IGSF5: variants seen among roughly 807,000 people sequenced by gnomAD.
IGSF5 encodes immunoglobulin superfamily member 5.
In IGSF5, 41 loss-of-function variants were observed where a neutral mutation model predicts 39.4. The observed-to-expected ratio is 1.04, with a 90% confidence interval of 0.81 to 1.35. The LOEUF (loss-of-function observed/expected upper bound fraction) is 1.35. Among genes scored for constraint, IGSF5 ranks in the 40% most tolerant of loss-of-function variants. IGSF5 has a pLI of 0.00. For synonymous variants in IGSF5, 183 were observed against 175.3 expected (o/e 1.04, Z -0.34); for missense variants, 487 against 494.6 (o/e 0.98, Z 0.15).
At chr21:39,729,195 A>G in the IGSF5 span, 2 of 152,224 alleles carry the variant, frequency 1.3e-5, no homozygotes, top group African/African-American at 2.4e-5. Flanking sequence ...CCTCCTGTCT[A>G]CTTGCTCTGC....
the IGSF5 span, among the ~76,000 whole-genome samples, chr21:39,717,867 T>C: frequency 6.6e-6 from 1 of 152,230 alleles, no homozygotes; most frequent in African/African-American, 2.4e-5. Flanking sequence ...TTTTTTCTAG[T>C]TCTGTGAAGA....
At position 39,745,564 on chromosome 21, in the gene IGSF5, TTCTGGCTGAGCCATGA is replaced by T. The variant is rs940474156; in HGVS notation, c.17+42_17+57del. ...GCGTGGGCGACTGTTGAGTAGAGAC[TTCTGGCTGAGCCATGA>T]TCTCAATCAGCTACTGCTGGGAGGT... is the stretch of plus-strand genomic sequence containing the variant. On this transcript the variant is annotated intron_variant, in intron 1 of 8. Transcript: ENST00000380588. 4.2e-6 allele frequency: 3 copies of T among 716,028 alleles called. No individual in the cohort carries two copies. The African/African-American group carries it at 5.2e-5, about 13-fold the overall frequency. The allele number at this position is 716,028 out of a possible 1,614,324, so 44.4% of individuals were successfully genotyped here.
intron 6 of IGSF5, among the ~76,000 whole-genome samples, chr21:39,789,412 G>A (rs1369782547): frequency 6.6e-6 from 1 of 152,126 alleles, no homozygotes; most frequent in Non-Finnish European, 1.5e-5. Flanking sequence ...AACTGGACGG[G>A]CCCACCTCAG....
At chr21:39,786,413 A>G (rs2086920223) in intron 5 of IGSF5, among the ~76,000 whole-genome samples, 1 of 145,908 alleles carries the variant, frequency 6.9e-6, no homozygotes, top group Non-Finnish European at 1.5e-5. Flanking sequence ...ATGAGATACC[A>G]TCTCACACCA....
the IGSF5 span, chr21:39,722,400 T>A: frequency 6.6e-6 from 1 of 152,172 alleles, no homozygotes; most frequent in African/African-American, 2.4e-5. Flanking sequence ...ATTTGGACAC[T>A]GAAATATGAG....
intron 2 of IGSF5, among the ~76,000 whole-genome samples, chr21:39,752,553 T>G (rs1311794134): frequency 2.0e-5 from 3 of 152,252 alleles, no homozygotes; most frequent in Non-Finnish European, 4.4e-5. Context: ...CTGGATCAGA[T>G]GGTAGTTTTA....
chr21:39,783,140 T>C (rs1042939976), intron 5 of IGSF5, among the ~76,000 whole-genome samples: 7 of 152,238 alleles, frequency 4.6e-5, no homozygotes, highest in East Asian at 1.9e-4. Context: ...GATATTTAGA[T>C]TGATTTCATA....
At chr21:39,749,314 G>A (rs1013412889) in intron 2 of IGSF5, among the ~76,000 whole-genome samples, 1 of 151,670 alleles carries the variant, frequency 6.6e-6, no homozygotes, top group African/African-American at 2.4e-5. Flanking sequence ...CTGGGCTCAA[G>A]TGATTCTCCT....
chr21:39,717,484 T>G, the IGSF5 span, among the ~76,000 whole-genome samples: 2 of 152,236 alleles, frequency 1.3e-5, no homozygotes, highest in Non-Finnish European at 2.9e-5. Flanking sequence ...GTTTTACATT[T>G]AAGTCTTCAA....
chr21:39,756,697 G>A (rs1021097074), intron 2 of IGSF5, among the ~76,000 whole-genome samples: 3 of 152,140 alleles, frequency 2.0e-5, no homozygotes, highest in East Asian at 1.9e-4. Flanking sequence ...GTTGTTTTGC[G>A]GGTGGTTCAT....
At chr21:39,773,432 G>C (rs1351375000) in intron 4 of IGSF5, among the ~76,000 whole-genome samples, 1 of 150,998 alleles carries the variant, frequency 6.6e-6, no homozygotes, top group Admixed American at 6.6e-5. Context: ...CTCTTAATTG[G>C]CTTTCTTTTG....
intron 2 of IGSF5, among the ~76,000 whole-genome samples, chr21:39,761,269 A>T (rs1388983483): frequency 6.6e-6 from 1 of 152,242 alleles, no homozygotes; most frequent in Non-Finnish European, 1.5e-5. Flanking sequence ...TGGACTAAAG[A>T]TTTAAATGTA....
At chr21:39,783,580 G>A (rs1441462343) in intron 5 of IGSF5, among the ~76,000 whole-genome samples, 1 of 151,954 alleles carries the variant, frequency 6.6e-6, no homozygotes, top group East Asian at 1.9e-4. Flanking sequence ...TTGTTTTTTT[G>A]CTGTCGAGAT....
chr21:39,797,744 C>T (rs2087005003), intron 8 of IGSF5, among the ~76,000 whole-genome samples: 1 of 152,044 alleles, frequency 6.6e-6, no homozygotes, highest in South Asian at 2.1e-4. Flanking sequence ...TGTTCTTAAA[C>T]TCTTGGCCTG....
intron 6 of IGSF5, 46 bp from the exon 7 acceptor site, chr21:39,791,962 T>C: frequency 7.5e-7 from 1 of 1,332,990 alleles, no homozygotes; most frequent in Non-Finnish European, 1.1e-6. Flanking sequence ...CATTTGGCAA[T>C]GTTAATGCCA....
At chr21:39,740,447 A>ATG (rs2079943742), upstream of IGSF5, among the ~76,000 whole-genome samples, 1 of 152,212 alleles carries the variant, frequency 6.6e-6, no homozygotes, top group African/African-American at 2.4e-5. Flanking sequence ...ATGGGCATGG[A>ATG]GGACTAGGTA....
At position 39,801,944 on chromosome 21, in the gene IGSF5, C is replaced by G. The variant is rs2087032560; in HGVS notation, c.*587C>G. On this transcript the variant is annotated 3_prime_UTR_variant, in exon 9 of 9. Coordinates refer to ENST00000380588, the MANE Select transcript of IGSF5 (RefSeq NM_001080444.2). ...CATTCATTTTTATCTGCCCCTTTAT[C>G]AGACCTATTTGCATCTCCTCAAATG... 6.6e-6 allele frequency: 1 copy of G among 152,474 alleles called. No homozygotes were observed. The highest frequency in any genetic ancestry group is 2.1e-4 in the South Asian group (1 of 4,844). The allele number at this position is 152,474 out of a possible 1,614,324, so 9.4% of individuals were successfully genotyped here. A position where few individuals can be genotyped will look rare whatever the true frequency, so the allele number is the denominator to read the frequency against.
intron 4 of IGSF5, among the ~76,000 whole-genome samples, chr21:39,773,833 C>A (rs1218050143): frequency 2.0e-5 from 3 of 152,166 alleles, no homozygotes; most frequent in African/African-American, 7.2e-5. Context: ...ATAAAATGGA[C>A]TGGTTAAAGC....
chr21:39,765,754 A>C lies in IGSF5; in HGVS notation c.320A>C (p.Glu107Ala). The C allele has an allele frequency of 6.2e-7, 1 of 1,614,078 alleles. No individual in the cohort carries two copies. Among genetic ancestry groups the C allele is most frequent in the Non-Finnish European group, 8.5e-7 (1 of 1,180,006 alleles). ...GACCAGGGCGGGAACTTCACCTCGG[A>C]GATGATCATCCACAATGTGGAGCCC... Reference protein sequence around the residue: ...RYDQGGNFTSEMIIHNVEPSD... With the variant: ...RYDQGGNFTSAMIIHNVEPSD... Residue 107 changes from glutamate (E) to alanine (A), a missense_variant, in exon 3 of 9, where the codon GAG becomes GCG. By Grantham distance (107) the Glu-to-Ala change is moderately radical. Coordinates refer to ENST00000380588, the MANE Select transcript of IGSF5 (RefSeq NM_001080444.2).
Sources: gnomAD v4.1 joint callset for allele counts (sites outside exome capture counted in the v4.1 genomes callset) on GRCh38, gnomAD v4.1.1 for gene constraint, MANE v1.5 for transcripts, NCBI Gene and HGNC (gene_info 2026-07-23, HGNC 2026-07-21) for gene names.